TMCO4: variants seen among roughly 807,000 people sequenced by gnomAD.
TMCO4 encodes the protein transmembrane and coiled-coil domain-containing protein 4.
TMCO4 carries 58 observed loss-of-function variants against 64.7 expected under a neutral mutation model. The ratio of observed to expected loss-of-function variants is 0.90; its 90% CI spans 0.73 to 1.12. The LOEUF (loss-of-function observed/expected upper bound fraction) is 1.12, where lower values mean the gene tolerates loss of function less well. Ranked by LOEUF, TMCO4 falls within the 50% of genes most tolerant of loss-of-function variation. The pLI, the probability that TMCO4 is intolerant of heterozygous loss-of-function variation, is 0.00. For synonymous variants in TMCO4, 325 were observed against 346.1 expected, an observed-to-expected ratio of 0.94 and a Z score of 0.68; for missense variants, 780 against 825.9, an observed-to-expected ratio of 0.94 and a Z score of 0.68.
intron 7 of TMCO4, among the ~76,000 whole-genome samples, chr1:19,748,962 G>A (rs2041913341): frequency 6.6e-6 from 1 of 152,176 alleles, no homozygotes; most frequent in South Asian, 2.1e-4. Context: ...TTTTTCCTAA[G>A]CATCTCCTGG....
At chr1:19,748,306 A>T (rs2100894920) in intron 7 of TMCO4, among the ~76,000 whole-genome samples, 1 of 152,354 alleles carries the variant, frequency 6.6e-6, no homozygotes, top group East Asian at 1.9e-4. Flanking sequence ...AAAGGCGGAC[A>T]CTAATTTCTA....
intron 14 of TMCO4, among the ~76,000 whole-genome samples, chr1:19,698,229 TC>T (rs2095249496): frequency 6.6e-6 from 1 of 152,164 alleles, no homozygotes; most frequent in African/African-American, 2.4e-5. Context: ...TCTTCTGTCA[TC>T]CCTTCCTCAC....
intron 15 of TMCO4, 38 bp downstream of exon 15, chr1:19,694,396 C>A: frequency 1.3e-6 from 2 of 1,583,672 alleles, no homozygotes; most frequent in Non-Finnish European, 1.7e-6. Context: ...AGCAACTAAG[C>A]AAACGCAAAG....
Position 19,771,844 on chromosome 1 carries a change from G to T in TMCO4, c.180-362C>A, listed in dbSNP as rs183973423. Among the ~76,000 whole-genome samples, 370 of 152,196 alleles carry T rather than the reference G, an allele frequency of 2.4e-3. 1 individual carries two copies. Among genetic ancestry groups the T allele is most frequent in the Non-Finnish European group, 3.5e-3 (240 of 68,012 alleles). ...GCTATTTTTTTGTATTTTTAGTAGA[G>T]ACAGGATTTCACCATGTTGGCCAGG... is the stretch of plus-strand genomic sequence containing the variant. On this transcript the variant is annotated intron_variant, in intron 4 of 15. Transcript: ENST00000294543.
rs868477336 is a variant in TMCO4, at chr1:19,742,669, G to A, written c.878-1728C>T. 2.0e-5 allele frequency among the ~76,000 whole-genome samples: 3 copies of A among 152,316 alleles called. No homozygotes were observed. In the South Asian group the frequency reaches 6.2e-4, roughly 32 times the overall value. ...CCTGGGTTCCAAACCCAGCTCGATG[G>A]CTTCCACGGGTGTGACCCACAGCAA... On this transcript the variant is annotated intron_variant, in intron 10 of 15. Transcript: ENST00000294543.
At chr1:19,761,996 G>A (rs1314364384) in intron 6 of TMCO4, among the ~76,000 whole-genome samples, 1 of 152,228 alleles carries the variant, frequency 6.6e-6, no homozygotes, top group Non-Finnish European at 1.5e-5. Flanking sequence ...GTCCTAGGAG[G>A]TTGTCACTAT....
chr1:19,717,386 G>A (rs2095361671), intron 13 of TMCO4, among the ~76,000 whole-genome samples: 1 of 152,126 alleles, frequency 6.6e-6, no homozygotes, highest in Non-Finnish European at 1.5e-5. Flanking sequence ...CACAGGTCCT[G>A]GGATGTCATG....
In TMCO4 at chr1:19,734,085, G is replaced by A. The variant is rs2095442282; in HGVS notation, c.1264+3287C>T. Among the ~76,000 whole-genome samples the A allele has an allele frequency of 2.6e-5, 4 of 152,142 alleles. No individual in the cohort carries two copies. The highest frequency in any genetic ancestry group is 2.6e-4 in the Admixed American group (4 of 15,270). The stretch of plus-strand genomic sequence containing the variant: ...ACTATTATCATCATTATTATTGGAG[G>A]GAAAGCTTCCAGACACAGTGAGACC... On this transcript the variant is annotated intron_variant, in intron 13 of 15. Transcript: ENST00000294543. The surrounding 1 kb of genome is among the most constrained non-coding windows in gnomAD (Gnocchi z 4.4).
chr1:19,766,504 G>C (rs1483268263), intron 6 of TMCO4, among the ~76,000 whole-genome samples: 1 of 152,194 alleles, frequency 6.6e-6, no homozygotes, highest in Non-Finnish European at 1.5e-5. Context: ...AGTCTCAAGA[G>C]ACAGGATGAA....
chr1:19,737,239 TTTTTAAC>T (rs2095458808), intron 13 of TMCO4, 126 bp downstream of exon 13: 1 of 897,426 alleles, frequency 1.1e-6, no homozygotes, highest in African/African-American at 1.7e-5. Flanking sequence ...TTTTAAACTA[TTTTTAAC>T]TTTTAACTAT....
intron 13 of TMCO4, among the ~76,000 whole-genome samples, chr1:19,731,157 G>A (rs1392118673): frequency 1.3e-5 from 2 of 152,154 alleles, no homozygotes; most frequent in Non-Finnish European, 2.9e-5. Flanking sequence ...GGAGGGGAAT[G>A]GTTGAGGAAG....
At chr1:19,685,589 TC>T (rs2095140573) in intron 15 of TMCO4, among the ~76,000 whole-genome samples, 1 of 152,040 alleles carries the variant, frequency 6.6e-6, no homozygotes. Flanking sequence ...TTGGATATAC[TC>T]CTTTGCTAGG....
At chr1:19,761,775 T>G in intron 6 of TMCO4, among the ~76,000 whole-genome samples, 1 of 152,210 alleles carries the variant, frequency 6.6e-6, no homozygotes, top group East Asian at 1.9e-4. Context: ...AAACAGATGA[T>G]TCCTACCCCA....
At chr1:19,703,718 T>C (rs1186677132) in intron 13 of TMCO4, among the ~76,000 whole-genome samples, 1 of 151,966 alleles carries the variant, frequency 6.6e-6, no homozygotes, top group Middle Eastern at 3.2e-3. Flanking sequence ...TGGCTAATTT[T>C]TGTATTTTTA....
intron 15 of TMCO4, among the ~76,000 whole-genome samples, chr1:19,684,124 A>G (rs2095128575): frequency 7.0e-6 from 1 of 143,694 alleles, no homozygotes; most frequent in African/African-American, 2.6e-5. Context: ...GCATGAGAAA[A>G]AAGAAAAATG....
intron 4 of TMCO4, among the ~76,000 whole-genome samples, chr1:19,776,266 A>T (rs941522772): frequency 6.6e-6 from 1 of 152,236 alleles, no homozygotes; most frequent in Non-Finnish European, 1.5e-5. Flanking sequence ...AACCATGTGG[A>T]AACAACCGGC....
intron 13 of TMCO4, among the ~76,000 whole-genome samples, chr1:19,731,686 G>A (rs1353365016): frequency 1.3e-5 from 2 of 152,230 alleles, no homozygotes; most frequent in African/African-American, 4.8e-5. Flanking sequence ...GTGATCACAA[G>A]TATGTCCCTA....
chr1:19,693,184 A>C lies in TMCO4; in HGVS notation c.1500+1250T>G, dbSNP rs1384103020. On this transcript the variant is annotated intron_variant, in intron 15 of 15. Transcript: ENST00000294543. ...CATCTCAAAAAAAAAAAAAAAAAAAAAAAAAAAAAAAAAAAAGGCCAGGCA... is the reference window on the plus strand; with the variant it reads ...CATCTCAAAAAAAAAAAAAAAAAAACAAAAAAAAAAAAAAAAGGCCAGGCA... Among the ~76,000 whole-genome samples the C allele has an allele frequency of 8.2e-5, 11 of 133,506 alleles. 1 individual carries two copies. Among genetic ancestry groups the C allele is most frequent in the South Asian group, 2.5e-4 (1 of 4,022 alleles). The allele number at this position is 133,506 out of a possible 152,430, so 87.6% of individuals were successfully genotyped here. A position where few individuals can be genotyped will look rare whatever the true frequency, so the allele number is the denominator to read the frequency against.
chr1:19,716,557 T>TA (rs1032781047), intron 13 of TMCO4, among the ~76,000 whole-genome samples: 1 of 151,682 alleles, frequency 6.6e-6, no homozygotes, highest in Non-Finnish European at 1.5e-5. Flanking sequence ...TTGTTTTTTT[T>TA]AATTAAAGGG....
Sources: allele counts gnomAD v4.1 joint callset (sites outside exome capture counted in the v4.1 genomes callset), GRCh38; gene constraint gnomAD v4.1.1; non-coding constraint Gnocchi (gnomAD v3.1); transcripts MANE v1.5; gene names NCBI Gene and HGNC (gene_info 2026-07-23, HGNC 2026-07-21).